The following RBMS3 variants were observed in gnomAD, a reference collection of about 807,000 sequenced individuals.
RBMS3 encodes the protein RNA binding motif single stranded interacting protein 3, also known as RNA-binding motif, single-stranded-interacting protein 3.
Under a neutral mutation model 66.8 loss-of-function variants are expected in RBMS3, and 27 were observed. The observed-to-expected ratio is 0.40, with a 90% CI of 0.30 to 0.56. The LOEUF (loss-of-function observed/expected upper bound fraction) is 0.56. Ranked by LOEUF, RBMS3 falls within the 20% of genes least tolerant of loss-of-function variation. The probability of loss-of-function intolerance (pLI) is 0.40; values close to 1 mark genes in which losing one functional copy is unlikely to be tolerated. For missense variants in RBMS3, 513 were observed against 549.5 expected (o/e 0.93, Z 0.66); for synonymous variants, 188 against 183.0 (o/e 1.03, Z -0.22).
intron 6 of RBMS3, among the ~76,000 whole-genome samples, chr3:29,816,096 A>C (rs1427892352): frequency 6.6e-6 from 1 of 152,084 alleles, no homozygotes; most frequent in Non-Finnish European, 1.5e-5. Flanking sequence ...TATAGGGAGT[A>C]TGGATTCTAA....
At chr3:29,857,998 T>G (rs2059123461) in intron 6 of RBMS3, among the ~76,000 whole-genome samples, 2 of 152,144 alleles carry the variant, frequency 1.3e-5, no homozygotes, top group Non-Finnish European at 2.9e-5. Flanking sequence ...TCATATATAA[T>G]TAAGGTAAAC....
At chr3:29,828,685 G>C (rs2058272359) in intron 6 of RBMS3, among the ~76,000 whole-genome samples, 1 of 151,994 alleles carries the variant, frequency 6.6e-6, no homozygotes, top group Non-Finnish European at 1.5e-5. Flanking sequence ...AACAATCTTT[G>C]GCAGATCACA....
At chr3:29,522,960 G>C (rs753967762) in intron 3 of RBMS3, among the ~76,000 whole-genome samples, 5 of 152,158 alleles carry the variant, frequency 3.3e-5, no homozygotes, top group Non-Finnish European at 5.9e-5. Flanking sequence ...TGTAACAGTA[G>C]TGCTGAGCAC....
chr3:29,849,821 T>C (rs2058888243), intron 6 of RBMS3, among the ~76,000 whole-genome samples: 1 of 152,186 alleles, frequency 6.6e-6, no homozygotes, highest in Non-Finnish European at 1.5e-5. Context: ...ATCTCACCTA[T>C]GTAACAGAAA....
intron 3 of RBMS3, among the ~76,000 whole-genome samples, chr3:29,503,448 T>G (rs1476164377): frequency 2.6e-5 from 4 of 152,110 alleles, no homozygotes; most frequent in Non-Finnish European, 5.9e-5. Flanking sequence ...GTACTCACTC[T>G]AGATTCCCCT....
At chr3:29,331,054 G>C (rs1260916682) in intron 1 of RBMS3, among the ~76,000 whole-genome samples, 1 of 152,104 alleles carries the variant, frequency 6.6e-6, no homozygotes, top group Non-Finnish European at 1.5e-5. Flanking sequence ...GCATTGGCTG[G>C]ACATTTCCTA....
intron 8 of RBMS3, 58 bp from the exon 9 acceptor site, chr3:29,897,321 A>G: frequency 6.8e-7 from 1 of 1,480,588 alleles, no homozygotes; most frequent in South Asian, 1.1e-5. Flanking sequence ...ATAGCATTTG[A>G]TTAGAGGCCA....
chr3:29,413,344 G>A (rs1401745157), intron 1 of RBMS3, among the ~76,000 whole-genome samples: 3 of 151,884 alleles, frequency 2.0e-5, no homozygotes, highest in African/African-American at 7.3e-5. Flanking sequence ...ACTCCGGCCT[G>A]GGCAAAGAGA....
intron 1 of RBMS3, among the ~76,000 whole-genome samples, chr3:29,313,879 A>G (rs1474262734): frequency 2.0e-5 from 3 of 151,646 alleles, no homozygotes; most frequent in African/African-American, 7.3e-5. Flanking sequence ...AGAGTTTAGC[A>G]GTTGACTTTC....
intron 6 of RBMS3, among the ~76,000 whole-genome samples, chr3:29,818,751 G>A (rs1333082557): frequency 1.1e-4 from 17 of 152,008 alleles, no homozygotes; most frequent in Non-Finnish European, 1.5e-5. Flanking sequence ...TAATCAGTAT[G>A]CCTTTTATTT....
intron 7 of RBMS3, among the ~76,000 whole-genome samples, chr3:29,871,137 A>C (rs1253433577): frequency 6.6e-6 from 1 of 152,104 alleles, no homozygotes; most frequent in African/African-American, 2.4e-5. Context: ...TATGCCAGGA[A>C]ATTCTGGTTA....
intron 6 of RBMS3, among the ~76,000 whole-genome samples, chr3:29,813,109 C>T (rs543056726): frequency 3.9e-5 from 6 of 151,942 alleles, no homozygotes; most frequent in South Asian, 2.1e-4. Flanking sequence ...ATGATGTTTC[C>T]GGTTTTCTAT....
chr3:29,452,818 A>G (rs1393139788), intron 2 of RBMS3, among the ~76,000 whole-genome samples: 2 of 152,204 alleles, frequency 1.3e-5, no homozygotes, highest in African/African-American at 4.8e-5. Context: ...CAGGAATTTT[A>G]TAATAAACAG....
intron 2 of RBMS3, among the ~76,000 whole-genome samples, chr3:29,470,903 C>T (rs1040931536): frequency 9.2e-5 from 14 of 152,134 alleles, no homozygotes; most frequent in African/African-American, 3.4e-4. Flanking sequence ...AAATTATAAA[C>T]CACCCAGTGA....
intron 12 of RBMS3, among the ~76,000 whole-genome samples, chr3:29,975,064 C>A (rs1697485806): frequency 1.8e-5 from 2 of 108,720 alleles, no homozygotes; most frequent in Non-Finnish European, 3.3e-5. Flanking sequence ...AAATATGTTT[C>A]TATATATATT....
intron 4 of RBMS3, among the ~76,000 whole-genome samples, chr3:29,677,846 C>T (rs1047521523): frequency 5.3e-5 from 8 of 152,034 alleles, no homozygotes; most frequent in African/African-American, 1.9e-4. Context: ...ATAGAAAAAG[C>T]ACCAGAATGT....
chr3:29,565,386 G>A (rs150367899), intron 3 of RBMS3, among the ~76,000 whole-genome samples: 198 of 152,306 alleles, frequency 1.3e-3, no homozygotes, highest in Non-Finnish European at 2.2e-3. Flanking sequence ...ATGTTTTTAA[G>A]GGCAGGACTT....
Position 29,852,390 on chromosome 3 carries a change from G to A in RBMS3, c.638-16468G>A, listed in dbSNP as rs575909997. Among the ~76,000 whole-genome samples the A allele has an allele frequency of 1.5e-4, 23 of 152,220 alleles. No individual in the cohort carries two copies. In the South Asian group the frequency reaches 1.7e-3, roughly 11 times the overall value. On this transcript the variant is annotated intron_variant, in intron 6 of 14. Coordinates refer to ENST00000383767, the MANE Select transcript of RBMS3 (RefSeq NM_001003793.3). ...AGTAAACAGACAACCTACAGAATAG[G>A]AGAAAATATTATAAACTGTGCATCT...
At chr3:29,772,483 G>A (rs2056253190) in intron 6 of RBMS3, among the ~76,000 whole-genome samples, 1 of 151,924 alleles carries the variant, frequency 6.6e-6, no homozygotes, top group Admixed American at 6.6e-5. Flanking sequence ...ATCATATTCA[G>A]TGATGCTTGT....
Sources: allele counts gnomAD v4.1 joint callset (sites outside exome capture counted in the v4.1 genomes callset), GRCh38; gene constraint gnomAD v4.1.1; transcripts MANE v1.5; gene names NCBI Gene and HGNC (gene_info 2026-07-23, HGNC 2026-07-21).